WHRN: variants seen among roughly 807,000 people sequenced by gnomAD.
WHRN encodes whirlin, also known as CASK-interacting protein CIP98.
Under a neutral mutation model 68.3 loss-of-function variants are expected in WHRN, and 41 were observed. The observed-to-expected ratio is 0.60, with a 90% CI of 0.47 to 0.78. The LOEUF (loss-of-function observed/expected upper bound fraction) is 0.78, where lower values mean the gene tolerates loss of function less well. Among genes scored for constraint, WHRN ranks in the 30% least tolerant of loss-of-function variants. The pLI is 0.00. For missense variants in WHRN, 1,243 were observed against 1,244.7 expected (o/e 1.00, Z 0.02); for synonymous variants, 560 against 561.3 (o/e 1.00, Z 0.03).
chr9:114,465,952 C>G lies in WHRN; in HGVS notation c.963+315G>C, dbSNP rs73656117. Among the ~76,000 whole-genome samples, 5,573 of 152,316 alleles carry G rather than the reference C, an allele frequency of 0.037. 349 individuals carry two copies. The highest frequency in any genetic ancestry group is 0.13 in the African/African-American group (5,250 of 41,524). ...GAAGCTGCCCAGGGCACCCCCAACC[C>G]AGCTTATCACTTTCTCTCCTCTATC... is the stretch of plus-strand genomic sequence containing the variant. On this transcript the variant is annotated intron_variant, in intron 3 of 11. Coordinates refer to ENST00000362057, the MANE Select transcript of WHRN (RefSeq NM_015404.4).
chr9:114,469,643 C>T (rs1437388923), intron 2 of WHRN, among the ~76,000 whole-genome samples: 1 of 152,334 alleles, frequency 6.6e-6, no homozygotes, highest in South Asian at 2.1e-4. Context: ...TGGGACCTGC[C>T]GAGATCCGTG....
rs1198777400 is a variant in WHRN, at chr9:114,408,084, C to T, written c.1627-66G>A. The T allele has an allele frequency of 8.1e-6, 11 of 1,356,776 alleles. No homozygotes were observed. The East Asian group carries it at 9.9e-5, about 12-fold the overall frequency. The allele number at this position is 1,356,776 out of a possible 1,614,324, so 84.0% of individuals were successfully genotyped here. A position where few individuals can be genotyped will look rare whatever the true frequency, so the allele number is the denominator to read the frequency against. On this transcript the variant is annotated intron_variant, in intron 7 of 11. Transcript: ENST00000362057. ...GAGAAGGGAACACTGGTTTGTTCTC[C>T]AGCACACCAAAATTGAGGAAGTCTT... is the stretch of plus-strand genomic sequence containing the variant.
chr9:114,417,103 A>C (rs74971820), intron 7 of WHRN, among the ~76,000 whole-genome samples: 1 of 152,354 alleles, frequency 6.6e-6, no homozygotes, highest in East Asian at 1.9e-4. Flanking sequence ...AAGGCAGCAT[A>C]AAATGCTCAG....
intron 9 of WHRN, among the ~76,000 whole-genome samples, chr9:114,405,684 T>C (rs1472879487): frequency 6.6e-6 from 1 of 152,220 alleles, no homozygotes; most frequent in Admixed American, 6.5e-5. Context: ...GCCCTGCATT[T>C]TGCATCTTGG....
At chr9:114,470,052 C>A (rs1841073728) in intron 2 of WHRN, among the ~76,000 whole-genome samples, 1 of 152,214 alleles carries the variant, frequency 6.6e-6, no homozygotes, top group Non-Finnish European at 1.5e-5. Context: ...CAGACAATCC[C>A]CCACGTCAAG....
intron 2 of WHRN, among the ~76,000 whole-genome samples, chr9:114,471,737 T>C (rs1451288029): frequency 6.6e-6 from 1 of 152,234 alleles, no homozygotes; most frequent in African/African-American, 2.4e-5. Context: ...GGAACTGGAA[T>C]GCATGTAGGT....
intron 3 of WHRN, among the ~76,000 whole-genome samples, chr9:114,437,860 T>A (rs10982218): frequency 1.3e-5 from 2 of 152,066 alleles, no homozygotes; most frequent in African/African-American, 4.8e-5. Context: ...ATACCACAGA[T>A]AAAGGGCCAG....
At chr9:114,464,508 G>A (rs1840499441) in intron 3 of WHRN, among the ~76,000 whole-genome samples, 1 of 152,080 alleles carries the variant, frequency 6.6e-6, no homozygotes. Flanking sequence ...TTTTATAAGG[G>A]CACTAATCCC....
intron 1 of WHRN, among the ~76,000 whole-genome samples, chr9:114,494,436 T>C (rs1843274431): frequency 6.6e-6 from 1 of 152,244 alleles, no homozygotes; most frequent in Non-Finnish European, 1.5e-5. Context: ...GTAACTTGTC[T>C]GCTACTTTAC....
intron 1 of WHRN, among the ~76,000 whole-genome samples, chr9:114,480,914 T>TTC (rs1390345686): frequency 3.9e-5 from 6 of 152,294 alleles, no homozygotes; most frequent in Admixed American, 3.9e-4. Flanking sequence ...CTAGCAGTGC[T>TTC]TCTCTCTGGG....
At chr9:114,403,392 C>T (rs999808027) in intron 10 of WHRN, 53 bp from the exon 11 acceptor site, 8 of 1,612,710 alleles carry the variant, frequency 5.0e-6, no homozygotes, top group Non-Finnish European at 6.8e-6. Context: ...GCAGGCCTGG[C>T]CAGGGGGCTG....
intron 7 of WHRN, among the ~76,000 whole-genome samples, chr9:114,417,220 T>C (rs570562241): frequency 1.1e-3 from 163 of 152,280 alleles, no homozygotes; most frequent in African/African-American, 3.5e-3. Flanking sequence ...GGGAAATGGC[T>C]GCAGAATGAG....
At chr9:114,467,926 T>G (rs1840866613) in intron 2 of WHRN, among the ~76,000 whole-genome samples, 1 of 152,150 alleles carries the variant, frequency 6.6e-6, no homozygotes, top group African/African-American at 2.4e-5. Flanking sequence ...AAGACACATT[T>G]CATTAGGGAA....
At chr9:114,465,461 A>T (rs1840600679) in intron 3 of WHRN, among the ~76,000 whole-genome samples, 1 of 151,996 alleles carries the variant, frequency 6.6e-6, no homozygotes, top group Admixed American at 6.5e-5. Flanking sequence ...CACACTCCCC[A>T]TGGCCTGGCT....
In WHRN at chr9:114,457,966, G is replaced by C. The variant is rs565766575; in HGVS notation, c.963+8301C>G. On this transcript the variant is annotated intron_variant, in intron 3 of 11. Transcript: ENST00000362057. ...AGTTTAAGCAGAAAAAGGATTTTCT[G>C]TGTGTGGTTTCAAAATATCTCTATC... Among the ~76,000 whole-genome samples the C allele has an allele frequency of 2.0e-5, 3 of 151,434 alleles. No homozygotes were observed. In the South Asian group the frequency reaches 6.3e-4, roughly 32 times the overall value.
At chr9:114,406,023 C>T (rs372262024) in intron 9 of WHRN, among the ~76,000 whole-genome samples, 32 of 152,374 alleles carry the variant, frequency 2.1e-4, no homozygotes, top group Admixed American at 5.9e-4. Flanking sequence ...CTGCCCTCCA[C>T]GAGTTCAGTC....
chr9:114,500,269 A>G (rs1843809833), intron 1 of WHRN, among the ~76,000 whole-genome samples: 1 of 152,236 alleles, frequency 6.6e-6, no homozygotes, highest in Non-Finnish European at 1.5e-5. Context: ...TGTGCATGCC[A>G]TGGTGCCACG....
chr9:114,458,822 G>C (rs1840016220), intron 3 of WHRN, among the ~76,000 whole-genome samples: 1 of 152,214 alleles, frequency 6.6e-6, no homozygotes, highest in African/African-American at 2.4e-5. Flanking sequence ...GTGTTGTGCT[G>C]GTAAGAGAAA....
Position 114,406,517 on chromosome 9 carries a change from G to T in WHRN, c.2074C>A (p.Pro692Thr), listed in dbSNP as rs1835039409. 6.2e-7 allele frequency: 1 copy of T among 1,614,080 alleles called. No homozygotes were observed. Residue 692 changes from proline (P) to threonine (T), a missense_variant, in exon 9 of 12, where the codon CCC (proline) becomes ACC (threonine). Coordinates refer to ENST00000362057, the MANE Select transcript of WHRN (RefSeq NM_015404.4). ...RVQSPPHLKS[P>T]SAEATVAGGC... is the part of the protein sequence containing the mutation. ...CCAGCCACTGTGGCCTCTGCAGAGG[G>T]GCTTTTCAGGTGCGGGGGTGACTGG... is the stretch of plus-strand genomic sequence containing the variant.
Sources: gnomAD v4.1 joint callset for allele counts (sites outside exome capture counted in the v4.1 genomes callset) on GRCh38, gnomAD v4.1.1 for gene constraint, MANE v1.5 for transcripts, NCBI Gene and HGNC (gene_info 2026-07-23, HGNC 2026-07-21) for gene names.